The following CTNNA2 variants were observed in gnomAD, a reference collection of about 807,000 sequenced individuals.
CTNNA2 encodes the protein catenin alpha-2.
A neutral mutation model predicts 101.0 loss-of-function variants in CTNNA2; 42 were observed. The observed-to-expected ratio is 0.42, with a 90% CI of 0.32 to 0.54. The LOEUF is 0.54. Among genes scored for constraint, CTNNA2 ranks in the 20% least tolerant of loss-of-function variants. CTNNA2 has a pLI of 0.14. For synonymous variants in CTNNA2, 450 were observed against 456.4 expected, an observed-to-expected ratio of 0.99 and a Z score of 0.18; for missense variants, 871 against 1,223.1, an observed-to-expected ratio of 0.71 and a Z score of 4.29.
chr2:80,325,680 G>T (rs1183192814), intron 7 of CTNNA2, among the ~76,000 whole-genome samples: 1 of 152,098 alleles, frequency 6.6e-6, no homozygotes, highest in Non-Finnish European at 1.5e-5. Context: ...GATTAATCAG[G>T]CCATTAGATA....
intron 3 of CTNNA2, among the ~76,000 whole-genome samples, chr2:79,748,335 C>T (rs1671780069): frequency 6.6e-6 from 1 of 152,172 alleles, no homozygotes; most frequent in Non-Finnish European, 1.5e-5. Flanking sequence ...TTCCTTCTAT[C>T]ATAGAAATCT....
At chr2:79,921,443 C>T (rs1686646755) in intron 7 of CTNNA2, among the ~76,000 whole-genome samples, 1 of 152,162 alleles carries the variant, frequency 6.6e-6, no homozygotes, top group Non-Finnish European at 1.5e-5. Context: ...TAGTTAATCT[C>T]TTCTTTGAAT....
At chr2:79,791,624 A>G (rs1349402522) in intron 3 of CTNNA2, among the ~76,000 whole-genome samples, 1 of 152,150 alleles carries the variant, frequency 6.6e-6, no homozygotes, top group Non-Finnish European at 1.5e-5. Context: ...TGGAGAGAAG[A>G]AAATGGGGAG....
intron 4 of CTNNA2, among the ~76,000 whole-genome samples, chr2:79,406,110 G>A (rs1678338573): frequency 6.6e-6 from 1 of 152,020 alleles, no homozygotes; most frequent in Non-Finnish European, 1.5e-5. Flanking sequence ...CAAGAGGAAT[G>A]CAAACTAGAA....
chr2:79,284,836 T>A (rs1220097239), intron 2 of CTNNA2, among the ~76,000 whole-genome samples: 1 of 146,386 alleles, frequency 6.8e-6, no homozygotes, highest in East Asian at 2.0e-4. Context: ...GAAGGAATGG[T>A]ACCAGTTCCT....
intron 2 of CTNNA2, among the ~76,000 whole-genome samples, chr2:79,227,551 A>C (rs915360990): frequency 6.6e-6 from 1 of 150,428 alleles, no homozygotes; most frequent in Non-Finnish European, 1.5e-5. Context: ...ATTCCAGACA[A>C]CCACAATAAA....
intron 1 of CTNNA2, among the ~76,000 whole-genome samples, chr2:79,590,420 A>G (rs1487964411): frequency 6.6e-6 from 1 of 152,200 alleles, no homozygotes; most frequent in Non-Finnish European, 1.5e-5. Context: ...ATCTTCAGAT[A>G]GTCAGGAGCC....
intron 7 of CTNNA2, among the ~76,000 whole-genome samples, chr2:80,381,695 C>T (rs1676529658): frequency 6.6e-6 from 1 of 152,132 alleles, no homozygotes. Context: ...AAACCTTGTA[C>T]TTCTTCTGCC....
chr2:80,195,884 T>C (rs1706801117), intron 7 of CTNNA2, among the ~76,000 whole-genome samples: 1 of 152,106 alleles, frequency 6.6e-6, no homozygotes, highest in Non-Finnish European at 1.5e-5. Flanking sequence ...AATTGAGAAG[T>C]AGTGTTGCAT....
intron 12 of CTNNA2, among the ~76,000 whole-genome samples, chr2:80,558,428 G>GT (rs1292018537): frequency 6.6e-6 from 1 of 150,546 alleles, no homozygotes; most frequent in African/African-American, 2.4e-5. Flanking sequence ...AATTATGGTT[G>GT]TACAAAGTTT....
chr2:79,495,103 G>C (rs1293434883), intron 4 of CTNNA2, among the ~76,000 whole-genome samples: 1 of 151,792 alleles, frequency 6.6e-6, no homozygotes, highest in Non-Finnish European at 1.5e-5. Context: ...ACTCCGTCTC[G>C]AAACAAAACA....
At chr2:79,607,412 T>C (rs376181870) in intron 1 of CTNNA2, among the ~76,000 whole-genome samples, 1 of 152,162 alleles carries the variant, frequency 6.6e-6, no homozygotes, top group African/African-American at 2.4e-5. Context: ...ACCTAATCGA[T>C]GTTTATAGAA....
intron 9 of CTNNA2, among the ~76,000 whole-genome samples, chr2:80,541,426 C>G (rs552450467): frequency 1.3e-5 from 2 of 152,246 alleles, no homozygotes; most frequent in African/African-American, 4.8e-5. Context: ...TTTTGCCAAG[C>G]ATTGCTAGCT....
intron 7 of CTNNA2, among the ~76,000 whole-genome samples, chr2:80,367,795 T>C (rs1056154233): frequency 6.6e-6 from 1 of 152,154 alleles, no homozygotes; most frequent in Admixed American, 6.5e-5. Flanking sequence ...CATTCTCTTC[T>C]TTCCTTTGGT....
intron 7 of CTNNA2, among the ~76,000 whole-genome samples, chr2:80,168,975 T>C (rs1704874221): frequency 6.6e-6 from 1 of 152,178 alleles, no homozygotes; most frequent in Non-Finnish European, 1.5e-5. Flanking sequence ...AGCCATGCGA[T>C]TTAGAGGCCC....
intron 15 of CTNNA2, among the ~76,000 whole-genome samples, chr2:80,590,761 CTT>C (rs1431279743): frequency 7.9e-5 from 12 of 152,026 alleles, no homozygotes; most frequent in African/African-American, 2.9e-4. Context: ...CCCTTTGAGA[CTT>C]TTAAATGTCA....
intron 12 of CTNNA2, among the ~76,000 whole-genome samples, chr2:80,570,389 C>T (rs1044947030): frequency 6.6e-6 from 1 of 152,090 alleles, no homozygotes; most frequent in African/African-American, 2.4e-5. Flanking sequence ...ACCGAATGAG[C>T]GAAGAGCAGC....
chr2:80,612,303 T>C (rs1043321042), intron 17 of CTNNA2, among the ~76,000 whole-genome samples: 1 of 151,510 alleles, frequency 6.6e-6, no homozygotes, highest in African/African-American at 2.4e-5. Flanking sequence ...TGGACTCTAA[T>C]TACAATCAAC....
intron 7 of CTNNA2, among the ~76,000 whole-genome samples, chr2:80,316,603 A>G (rs1383156129): frequency 6.6e-6 from 1 of 152,076 alleles, no homozygotes; most frequent in East Asian, 1.9e-4. Flanking sequence ...AAGTCTGAAC[A>G]GAGAGAGAGA....
Sources: allele counts gnomAD v4.1 joint callset (sites outside exome capture counted in the v4.1 genomes callset), GRCh38; gene constraint gnomAD v4.1.1; transcripts MANE v1.5; gene names NCBI Gene and HGNC (gene_info 2026-07-23, HGNC 2026-07-21).